Variants in IRAK3 observed in about 807,000 individuals in gnomAD.
IRAK3 encodes the protein interleukin 1 receptor associated kinase 3.
Under a neutral mutation model 56.6 loss-of-function variants are expected in IRAK3, and 57 were observed. The ratio of observed to expected loss-of-function variants is 1.01; its 90% CI spans 0.81 to 1.26. The LOEUF (loss-of-function observed/expected upper bound fraction) is 1.26. Among genes scored for constraint, IRAK3 ranks in the 50% most tolerant of loss-of-function variants. The pLI is 0.00. For synonymous variants in IRAK3, 258 were observed against 255.7 expected (o/e 1.01, Z -0.09); for missense variants, 703 against 719.0 (o/e 0.98, Z 0.25).
chr12:66,189,375 G>T lies in IRAK3; in HGVS notation c.76G>T (p.Gly26Ter), dbSNP rs1189799866. Residue 26 changes from glycine to a stop codon, truncating the protein, a stop_gained, in exon 1 of 12, where the codon GGA (glycine) becomes TGA (stop). Transcript: ENST00000261233. LOFTEE classifies it high-confidence loss of function. ...GTTCGACCTGCCGCCCGCGCTGCTC[G>T]GAGAGCTCTGCGCTGTTCTGGACAG... The part of the protein sequence containing the change: ...LLFDLPPALL[G>*]ELCAVLDSCD... 2 of 1,529,732 alleles carry T rather than the reference G, an allele frequency of 1.3e-6. No homozygotes were observed. Among genetic ancestry groups the T allele is most frequent in the Admixed American group, 2.0e-5 (1 of 50,790 alleles). 94.8% of individuals were successfully genotyped at this position (1,529,732 alleles called of 1,614,324 possible). A position where few individuals can be genotyped will look rare whatever the true frequency, so the allele number is the denominator to read the frequency against.
chr12:66,215,790 A>AGGTG (rs2052668454), intron 5 of IRAK3, among the ~76,000 whole-genome samples: 4 of 103,152 alleles, frequency 3.9e-5, no homozygotes, highest in African/African-American at 1.2e-4. Context: ...CAACATGCAC[A>AGGTG]CACACACACA....
At chr12:66,211,322 G>A in intron 4 of IRAK3, 124 bp from the exon 5 acceptor site, 1 of 691,180 alleles carries the variant, frequency 1.4e-6, no homozygotes, top group South Asian at 1.7e-5. Flanking sequence ...TTCGGCTTTG[G>A]TTCCTGGGCC....
chr12:66,235,435 G>A (rs1460623465), intron 8 of IRAK3, among the ~76,000 whole-genome samples: 1 of 151,400 alleles, frequency 6.6e-6, no homozygotes, highest in African/African-American at 2.4e-5. Flanking sequence ...GGCGGCGGCC[G>A]GCGGGGGCTG....
At chr12:66,215,436 A>G (rs573377956) in intron 5 of IRAK3, among the ~76,000 whole-genome samples, 79 of 152,178 alleles carry the variant, frequency 5.2e-4, no homozygotes, top group African/African-American at 1.8e-3. Context: ...TGACACTCCT[A>G]TGTGTAGCAA....
In IRAK3 at chr12:66,227,761, C is replaced by CAA. The variant is rs34349535; in HGVS notation, c.769-475_769-474dup. On this transcript the variant is annotated intron_variant, in intron 7 of 11. Transcript: ENST00000261233. Reference sequence around the variant, plus strand: ...GGTGACACGGAGTGAGACCTTGTCTCAAAAAAAAAAAAAAAAAGAGAGAGA... The same window carrying CAA: ...GGTGACACGGAGTGAGACCTTGTCTCAAAAAAAAAAAAAAAAAAAGAGAGAGA... 7.2e-3 allele frequency among the ~76,000 whole-genome samples: 778 copies of CAA among 107,852 alleles called. 17 individuals carry two copies. Among genetic ancestry groups the CAA allele is most frequent in the African/African-American group, 0.029 (750 of 26,102 alleles). 70.8% of individuals were successfully genotyped at this position (107,852 alleles called of 152,430 possible).
intron 1 of IRAK3, among the ~76,000 whole-genome samples, chr12:66,198,379 T>TC (rs2052474744): frequency 6.6e-6 from 1 of 152,256 alleles, no homozygotes; most frequent in Admixed American, 6.5e-5. Flanking sequence ...TGGCCTTCCC[T>TC]CTGCCCTCTT....
At position 66,253,592 on chromosome 12, in the gene IRAK3, C is replaced by T. The variant is rs898294872; in HGVS notation, c.*5421C>T. ...CTGCATCATTGCAAACTTTTCTGGT[C>T]GTCTCTATAAATAGCAAGATAATAT... On this transcript the variant is annotated 3_prime_UTR_variant, in exon 12 of 12. Transcript: ENST00000261233. 5.3e-5 allele frequency: 8 copies of T among 152,260 alleles called. No homozygotes were observed. The highest frequency in any genetic ancestry group is 1.3e-4 in the Admixed American group (2 of 15,280). 9.4% of individuals were successfully genotyped at this position (152,260 alleles called of 1,614,324 possible).
chr12:66,244,543 A>G lies in IRAK3; in HGVS notation c.945A>G (p.Ala315=), dbSNP rs1236192392. 1.9e-6 allele frequency: 3 copies of G among 1,614,034 alleles called. No homozygotes were observed. Among genetic ancestry groups the G allele is most frequent in the Non-Finnish European group, 1.7e-6 (2 of 1,180,016 alleles). Residue 315 remains alanine (A), a synonymous_variant, in exon 9 of 12, where the codon GCA becomes GCG. Coordinates refer to ENST00000261233, the MANE Select transcript of IRAK3 (RefSeq NM_007199.3). The part of the protein sequence containing the change: ...FQPKLTDFAM[A]HFRSHLEHQS... ...CCAAACTAACTGATTTTGCCATGGC[A>G]CACTTCCGGTCCCACCTAGAACATC...
intron 8 of IRAK3, among the ~76,000 whole-genome samples, chr12:66,242,860 A>G (rs1865914): frequency 0.23 from 34,665 of 152,058 alleles, 5,727 homozygotes; most frequent in African/African-American, 0.47. Context: ...GATCACCTGA[A>G]GTCAGAAGTT....
intron 8 of IRAK3, among the ~76,000 whole-genome samples, chr12:66,231,363 A>AG (rs1452791798): frequency 6.6e-6 from 1 of 152,148 alleles, no homozygotes; most frequent in Non-Finnish European, 1.5e-5. Context: ...AAAAAAAAAA[A>AG]GTGTTTATTA....
intron 8 of IRAK3, among the ~76,000 whole-genome samples, chr12:66,243,204 T>C (rs768340930): frequency 1.5e-4 from 23 of 152,200 alleles, no homozygotes; most frequent in Admixed American, 3.3e-4. Context: ...TAAATAGAAG[T>C]AGGACTCTGA....
intron 6 of IRAK3, among the ~76,000 whole-genome samples, chr12:66,219,262 T>C (rs1233649333): frequency 6.6e-6 from 1 of 152,208 alleles, no homozygotes; most frequent in African/African-American, 2.4e-5. Context: ...ATCCTGAATA[T>C]ACTCCCATAG....
rs571241624 is a variant in IRAK3, at chr12:66,208,366, C to T, written c.317-1090C>T. On this transcript the variant is annotated intron_variant, in intron 2 of 11. Transcript: ENST00000261233. ...ACAAACACACACACACGCACACACA[C>T]CACCTCCAATACTTTATGGCACAAG... Among the ~76,000 whole-genome samples, 22 of 152,080 alleles carry T rather than the reference C, an allele frequency of 1.4e-4. 1 individual carries two copies. In the South Asian group the frequency reaches 2.1e-3, roughly 14 times the overall value.
intron 5 of IRAK3, among the ~76,000 whole-genome samples, chr12:66,213,602 T>C (rs1035960625): frequency 1.3e-5 from 2 of 152,136 alleles, no homozygotes; most frequent in South Asian, 2.1e-4. Flanking sequence ...GAGTGAACTC[T>C]AGTGTAAACT....
At chr12:66,238,830 A>G (rs1037948284) in intron 8 of IRAK3, among the ~76,000 whole-genome samples, 4 of 152,234 alleles carry the variant, frequency 2.6e-5, no homozygotes, top group Non-Finnish European at 5.9e-5. Flanking sequence ...TTCAAAGAGA[A>G]TGTTATAAAA....
rs1041333104 is a variant in IRAK3 at position 66,254,155 on chromosome 12, T to G, written c.*5984T>G. ...ACATGTATGAAAACCTAAATGTTGATACACCTTTACCCAGCAGTTTGTTTA... is the reference window on the plus strand; with the variant it reads ...ACATGTATGAAAACCTAAATGTTGAGACACCTTTACCCAGCAGTTTGTTTA... On this transcript the variant is annotated 3_prime_UTR_variant, in exon 12 of 12. Transcript: ENST00000261233. The G allele has an allele frequency of 1.3e-5, 2 of 152,176 alleles. No homozygotes were observed. Among genetic ancestry groups the G allele is most frequent in the African/African-American group, 4.8e-5 (2 of 41,440 alleles). The allele number at this position is 152,176 out of a possible 1,614,324, so 9.4% of individuals were successfully genotyped here. A position where few individuals can be genotyped will look rare whatever the true frequency, so the allele number is the denominator to read the frequency against.
rs1298749487 is a variant in IRAK3, at chr12:66,251,542, T to G, written c.*3371T>G. ...TAAGCTTCAGGCTTTTGTCCCATTT[T>G]ATAATGCCCAAACACATGGAGAAAA... On this transcript the variant is annotated 3_prime_UTR_variant, in exon 12 of 12. Coordinates refer to ENST00000261233, the MANE Select transcript of IRAK3 (RefSeq NM_007199.3). 2 of 152,232 alleles carry G rather than the reference T, an allele frequency of 1.3e-5. No homozygotes were observed. The highest frequency in any genetic ancestry group is 6.5e-5 in the Admixed American group (1 of 15,278). The allele number at this position is 152,232 out of a possible 1,614,324, so 9.4% of individuals were successfully genotyped here. A position where few individuals can be genotyped will look rare whatever the true frequency, so the allele number is the denominator to read the frequency against.
intron 6 of IRAK3, among the ~76,000 whole-genome samples, chr12:66,226,076 A>G (rs1275671512): frequency 6.6e-6 from 1 of 152,236 alleles, no homozygotes; most frequent in Non-Finnish European, 1.5e-5. Context: ...ATTGATAAAA[A>G]TAAGTTAATA....
At chr12:66,192,426 G>A (rs993888195) in intron 1 of IRAK3, among the ~76,000 whole-genome samples, 5 of 152,088 alleles carry the variant, frequency 3.3e-5, no homozygotes, top group East Asian at 3.9e-4. Context: ...ACATGATAAC[G>A]TAGTACATAC....
Sources: gnomAD v4.1 joint callset for allele counts (sites outside exome capture counted in the v4.1 genomes callset) on GRCh38, gnomAD v4.1.1 for gene constraint, MANE v1.5 for transcripts, NCBI Gene and HGNC (gene_info 2026-07-23, HGNC 2026-07-21) for gene names.